DIP2A: variants seen among roughly 807,000 people sequenced by gnomAD.
The protein encoded by DIP2A is disco-interacting protein 2 homolog A.
Under a neutral mutation model 177.4 loss-of-function variants are expected in DIP2A, and 85 were observed. The ratio of observed to expected loss-of-function variants is 0.48; its 90% CI spans 0.40 to 0.57. The LOEUF is 0.57. DIP2A is among the 20% of genes least tolerant of loss of function. The probability of loss-of-function intolerance (pLI) is 0.00; values close to 1 mark genes in which losing one functional copy is unlikely to be tolerated. For synonymous variants in DIP2A, 886 were observed against 881.8 expected (o/e 1.00, Z -0.08); for missense variants, 1,791 against 2,100.2 (o/e 0.85, Z 2.88).
chr21:46,524,778 T>C (rs928340504), intron 8 of DIP2A, among the ~76,000 whole-genome samples: 1 of 151,952 alleles, frequency 6.6e-6, no homozygotes, highest in African/African-American at 2.4e-5. Context: ...GCGAGAGTTC[T>C]CTCCCTCTTT....
chr21:46,512,829 A>C (rs1042585998), intron 8 of DIP2A, among the ~76,000 whole-genome samples: 1 of 40,926 alleles, frequency 2.4e-5, no homozygotes, highest in Admixed American at 1.7e-4. Context: ...AACAAAAAAA[A>C]CTTTTTTTTT....
At chr21:46,549,231 A>C (rs1160266712) in intron 21 of DIP2A, among the ~76,000 whole-genome samples, 1 of 152,170 alleles carries the variant, frequency 6.6e-6, no homozygotes, top group Non-Finnish European at 1.5e-5. Flanking sequence ...TCCTAACATG[A>C]TGGGTTTGGT....
rs141409928 is a variant in DIP2A at position 46,482,243 on chromosome 21, A to G, written c.92-2514A>G. On this transcript the variant is annotated intron_variant, in intron 1 of 37. Transcript: ENST00000417564. The stretch of plus-strand genomic sequence containing the variant: ...GCATGATAAGGGAGTACTATGAACA[A>G]CTGTATCCATATCTGGTCATATGCC... Among the ~76,000 whole-genome samples, 916 of 152,336 alleles carry G rather than the reference A, an allele frequency of 6.0e-3. 7 individuals are homozygous for G. The highest frequency in any genetic ancestry group is 0.02 in the Middle Eastern group (6 of 294).
chr21:46,548,048 A>G (rs191349291), intron 21 of DIP2A, among the ~76,000 whole-genome samples: 20 of 152,218 alleles, frequency 1.3e-4, no homozygotes, highest in East Asian at 3.9e-4. Context: ...CCTTAAAGCA[A>G]TCGTGAGGGG....
intron 1 of DIP2A, among the ~76,000 whole-genome samples, chr21:46,480,740 G>A (rs1457748350): frequency 6.6e-6 from 1 of 152,232 alleles, no homozygotes; most frequent in Non-Finnish European, 1.5e-5. Flanking sequence ...GGTCTCTGGT[G>A]TGTATCTGAT....
At chr21:46,551,083 G>A (rs2060254978) in intron 23 of DIP2A, among the ~76,000 whole-genome samples, 1 of 152,240 alleles carries the variant, frequency 6.6e-6, no homozygotes, top group Non-Finnish European at 1.5e-5. Context: ...TCATCCTGGA[G>A]CTGGACGAGC....
intron 8 of DIP2A, among the ~76,000 whole-genome samples, chr21:46,514,760 G>T (rs2058493466): frequency 6.7e-6 from 1 of 149,776 alleles, no homozygotes. Context: ...AATTAAGTAT[G>T]ATGTGTTCTG....
intron 1 of DIP2A, among the ~76,000 whole-genome samples, chr21:46,475,516 G>T (rs2055766477): frequency 6.6e-6 from 1 of 152,212 alleles, no homozygotes; most frequent in African/African-American, 2.4e-5. Context: ...CTGGTCCTTG[G>T]AAAGTGCAGT....
intron 2 of DIP2A, among the ~76,000 whole-genome samples, chr21:46,486,502 ATTAGT>A (rs2056707103): frequency 1.3e-5 from 2 of 152,226 alleles, no homozygotes; most frequent in African/African-American, 4.8e-5. Context: ...CCTTAATTTA[ATTAGT>A]TTAAACTTAA....
In DIP2A at chr21:46,554,312, G is replaced by A. The variant is rs1166084201; in HGVS notation, c.3154+20G>A. 1.2e-6 allele frequency: 2 copies of A among 1,612,492 alleles called. No individual in the cohort carries two copies. The highest frequency in any genetic ancestry group is 1.7e-6 in the Non-Finnish European group (2 of 1,179,064). On this transcript the variant is annotated intron_variant, in intron 26 of 37. Coordinates refer to ENST00000417564, the MANE Select transcript of DIP2A (RefSeq NM_015151.4). ...CACCAGGTGGGCTCACTGTGGGGCT[G>A]TCCACCTGCAGCTCTTTGTAAGCAG...
At chr21:46,511,305 CT>C in intron 7 of DIP2A, 111 bp from the exon 8 acceptor site, 3 of 1,160,500 alleles carry the variant, frequency 2.6e-6, no homozygotes, top group East Asian at 2.7e-5. Context: ...TTATTGTAAG[CT>C]TTTTTATAGT....
At chr21:46,560,887 C>T (rs76005530) in intron 33 of DIP2A, 104 bp downstream of exon 33, 105,844 of 1,510,726 alleles carry the variant, frequency 0.07, 4,085 homozygotes, top group African/African-American at 0.1. Context: ...CATTAGAGGA[C>T]GGCGGGGCCA....
chr21:46,504,312 C>A, intron 5 of DIP2A, 49 bp from the exon 6 acceptor site: 3 of 1,607,060 alleles, frequency 1.9e-6, no homozygotes, highest in Non-Finnish European at 1.7e-6. Flanking sequence ...GCTTAATACT[C>A]ATTTGACTTA....
intron 8 of DIP2A, among the ~76,000 whole-genome samples, chr21:46,520,386 C>T (rs1000292317): frequency 6.6e-6 from 1 of 152,230 alleles, no homozygotes; most frequent in Non-Finnish European, 1.5e-5. Context: ...AAACAAGTTA[C>T]TTCTGTCTTC....
intron 8 of DIP2A, among the ~76,000 whole-genome samples, chr21:46,525,951 C>T (rs910469397): frequency 4.0e-5 from 6 of 150,038 alleles, no homozygotes; most frequent in Admixed American, 2.7e-4. Flanking sequence ...TCTTGTTGCC[C>T]GGGCTGGAGT....
At position 46,511,586 on chromosome 21, in the gene DIP2A, T is replaced by C. The variant is rs748947384; in HGVS notation, c.1074T>C (p.Thr358=). ...CCTGTCTGACTGCCTTGGATACAAC[T>C]GGGAAAGCCGTCTACACTCTCACCT... The part of the protein sequence containing the change: ...KSPCLTALDT[T]GKAVYTLTYG... Residue 358 remains threonine (T), a synonymous_variant, in exon 8 of 38, where the codon ACT becomes ACC. Coordinates refer to ENST00000417564, the MANE Select transcript of DIP2A (RefSeq NM_015151.4). 2 of 1,563,138 alleles carry C rather than the reference T, an allele frequency of 1.3e-6. No individual in the cohort carries two copies. Among genetic ancestry groups the C allele is most frequent in the Admixed American group, 4.0e-5 (2 of 49,788 alleles).
chr21:46,538,728 C>T, intron 16 of DIP2A, 126 bp downstream of exon 16: 1 of 1,339,796 alleles, frequency 7.5e-7, no homozygotes, highest in East Asian at 2.6e-5. Flanking sequence ...ACACATGTCC[C>T]ATCGTTTCTA....
intron 27 of DIP2A, 36 bp from the exon 28 acceptor site, chr21:46,554,786 G>GGGGGGGGGGCCCCCCC: frequency 1.3e-6 from 2 of 1,519,096 alleles, no homozygotes; most frequent in Non-Finnish European, 1.8e-6. Context: ...AGCTTGAGAG[G>GGGGGGGGGGCCCCCCC]CCCCGCCCAC....
chr21:46,498,738 C>T lies in DIP2A; in HGVS notation c.560C>T (p.Pro187Leu), dbSNP rs775694032. ...TCTGCATCCTCCACCTCATCTCACC[C>T]GGGAGGGAGACCCACCACTGCTCCC... ...SSSASSTSSHPGGRPTTAPSA... is the reference protein window; with the variant it reads ...SSSASSTSSHLGGRPTTAPSA... Residue 187 changes from proline to leucine, a missense_variant, in exon 5 of 38, where the codon CCG (proline) becomes CTG (leucine). Transcript: ENST00000417564. The surrounding 1 kb of genome is among the most constrained non-coding windows in gnomAD (Gnocchi z 4.3). The T allele has an allele frequency of 1.2e-5, 19 of 1,613,766 alleles. No homozygotes were observed. Among genetic ancestry groups the T allele is most frequent in the South Asian group, 5.5e-5 (5 of 91,088 alleles).
Sources: allele counts gnomAD v4.1 joint callset (sites outside exome capture counted in the v4.1 genomes callset), GRCh38; gene constraint gnomAD v4.1.1; non-coding constraint Gnocchi (gnomAD v3.1); transcripts MANE v1.5; gene names NCBI Gene and HGNC (gene_info 2026-07-23, HGNC 2026-07-21).